The following MID1 variants were observed in gnomAD, a reference collection of about 807,000 sequenced individuals.
MID1 encodes E3 ubiquitin-protein ligase Midline-1.
In MID1, 7 loss-of-function variants were observed where a neutral mutation model predicts 40.4. The ratio of observed to expected loss-of-function variants is 0.17; its 90% CI spans 0.10 to 0.33. MID1 has a LOEUF of 0.33. MID1 is among the 10% of genes least tolerant of loss of function. MID1 has a pLI of 1.00. For synonymous variants in MID1, 229 were observed against 221.2 expected (o/e 1.04, Z -0.31); for missense variants, 367 against 558.5 (o/e 0.66, Z 3.46).
intron 2 of MID1, among the ~76,000 whole-genome samples, chrX:10,556,005 T>C (rs6640664): frequency 0.15 from 16,233 of 108,294 alleles, 2,443 homozygotes; most frequent in African/African-American, 0.45. Context: ...CGAAGTTCCT[T>C]CCTCTTCCTA....
chrX:10,787,342 T>G (rs986679983), intron 1 of MID1, among the ~76,000 whole-genome samples: 3 of 107,566 alleles, frequency 2.8e-5, no homozygotes, highest in Non-Finnish European at 5.7e-5. Context: ...TAATGAGGGA[T>G]CTATTTTTTT....
At chrX:10,593,276 T>G (rs1426357437) in intron 1 of MID1, among the ~76,000 whole-genome samples, 1 of 112,236 alleles carries the variant, frequency 8.9e-6, no homozygotes, top group Non-Finnish European at 1.9e-5. Context: ...ATCAATTTTG[T>G]TAGCACAAAC....
intron 2 of MID1, among the ~76,000 whole-genome samples, chrX:10,543,839 T>C (rs1035951533): frequency 9.2e-6 from 1 of 108,788 alleles, no homozygotes; most frequent in African/African-American, 3.4e-5. Flanking sequence ...CGAGACTCTG[T>C]TTTTTTAAAA....
At chrX:10,535,146 G>A (rs1392888022) in intron 2 of MID1, among the ~76,000 whole-genome samples, 1 of 111,581 alleles carries the variant, frequency 9.0e-6, no homozygotes, top group Admixed American at 9.6e-5. Flanking sequence ...GCCTACACAT[G>A]GCAATCACCT....
At chrX:10,718,299 G>C (rs780599266) in intron 1 of MID1, among the ~76,000 whole-genome samples, 50 of 111,575 alleles carry the variant, frequency 4.5e-4, no homozygotes, top group African/African-American at 1.6e-3. Context: ...TAGACTCCTA[G>C]CACGACTAAT....
intron 1 of MID1, among the ~76,000 whole-genome samples, chrX:10,589,066 C>G (rs913751140): frequency 9.9e-5 from 11 of 111,666 alleles, no homozygotes; most frequent in South Asian, 3.8e-4. Flanking sequence ...CACACGCACA[C>G]CACAAAACAA....
intron 1 of MID1, among the ~76,000 whole-genome samples, chrX:10,673,069 T>G (rs1394011340): frequency 8.9e-6 from 1 of 111,987 alleles, no homozygotes; most frequent in African/African-American, 3.2e-5. Context: ...GGATAGATAG[T>G]GCTGACTAAA....
rs757436618 is a variant in MID1, at chrX:10,643,697, C to T, written c.-186-23278G>A. On this transcript the variant is annotated intron_variant, in intron 1 of 10. Transcript: ENST00000380785. ...TATAAATCATGCTGCTATAAAGACA[C>T]ATGCACATGTATGTTTATTGTGGCA... Among the ~76,000 whole-genome samples the T allele has an allele frequency of 2.7e-5, 3 of 111,330 alleles. No homozygotes were observed. In the East Asian group the frequency reaches 8.4e-4, roughly 31 times the overall value.
chrX:10,601,359 A>G (rs1203866911), intron 1 of MID1, among the ~76,000 whole-genome samples: 2 of 112,201 alleles, frequency 1.8e-5, no homozygotes, highest in Non-Finnish European at 3.8e-5. Context: ...TGGTTCTTAC[A>G]TTTTTAAGTG....
chrX:10,533,382 G>GA (rs1287600445), intron 2 of MID1, among the ~76,000 whole-genome samples: 9 of 32,648 alleles, frequency 2.8e-4, no homozygotes, highest in African/African-American at 1.1e-3. Flanking sequence ...GAAAGAAAAA[G>GA]AAAGAAAGAA....
chrX:10,461,780 G>GA (rs1207204598), intron 7 of MID1, among the ~76,000 whole-genome samples: 1 of 112,316 alleles, frequency 8.9e-6, no homozygotes, highest in Non-Finnish European at 1.9e-5. Context: ...GCATTCAGTA[G>GA]ATTCAAATGA....
At chrX:10,661,918 G>A (rs1372583106) in intron 1 of MID1, among the ~76,000 whole-genome samples, 2 of 112,242 alleles carry the variant, frequency 1.8e-5, no homozygotes, top group African/African-American at 6.5e-5. Flanking sequence ...TGTTTCAGAC[G>A]CTCTTCTAGA....
chrX:10,501,268 G>T, intron 3 of MID1: 1 of 532,866 alleles, frequency 1.9e-6, no homozygotes, highest in African/African-American at 2.3e-5. Flanking sequence ...GAGATCTCAG[G>T]CTAGGCTCCT....
At position 10,691,879 on chromosome X, in the gene MID1, G is replaced by A. The variant is rs931178967; in HGVS notation, c.-186-71460C>T. 2.7e-5 allele frequency among the ~76,000 whole-genome samples: 3 copies of A among 111,628 alleles called. No individual in the cohort carries two copies. In the East Asian group the frequency reaches 8.5e-4, roughly 32 times the overall value. On this transcript the variant is annotated intron_variant, in intron 1 of 10. Coordinates refer to the MID1 transcript ENST00000380785. Reference sequence around the variant, plus strand: ...TGTTAATAATTGATACCCTGGGGCAGGAATGCATTCCTTGGGGGAGGTCTA... The same window carrying A: ...TGTTAATAATTGATACCCTGGGGCAAGAATGCATTCCTTGGGGGAGGTCTA...
At chrX:10,743,078 A>G (rs1463157318) in intron 1 of MID1, among the ~76,000 whole-genome samples, 5 of 112,963 alleles carry the variant, frequency 4.4e-5, no homozygotes, top group African/African-American at 6.4e-5. Context: ...GCAAACTGAC[A>G]TATTCGATTA....
chrX:10,580,497 G>A (rs1159748600), intron 1 of MID1, among the ~76,000 whole-genome samples: 1 of 110,928 alleles, frequency 9.0e-6, no homozygotes, highest in Non-Finnish European at 1.9e-5. Context: ...ATAGTATACC[G>A]CTTTTGCCAA....
At chrX:10,652,650 A>G (rs1458035797) in intron 1 of MID1, among the ~76,000 whole-genome samples, 1 of 111,517 alleles carries the variant, frequency 9.0e-6, no homozygotes, top group Non-Finnish European at 1.9e-5. Context: ...CCAAAGCTCT[A>G]AGAGGCTGTC....
chrX:10,805,980 T>C (rs2044043014), intron 1 of MID1, among the ~76,000 whole-genome samples: 1 of 108,695 alleles, frequency 9.2e-6, no homozygotes, highest in Non-Finnish European at 1.9e-5. Context: ...TAGCCCTTTG[T>C]CAGATGAGTA....
intron 7 of MID1, among the ~76,000 whole-genome samples, chrX:10,465,214 TACACACACACACACAC>T (rs775197915): frequency 1.2e-3 from 47 of 39,902 alleles, no homozygotes; most frequent in East Asian, 9.8e-3. Flanking sequence ...TATATATATA[TACACACACACACACAC>T]ACACACACAC....
Sources: allele counts gnomAD v4.1 joint callset (sites outside exome capture counted in the v4.1 genomes callset), GRCh38; gene constraint gnomAD v4.1.1; transcripts MANE v1.5; gene names NCBI Gene and HGNC (gene_info 2026-07-23, HGNC 2026-07-21).